The following MYO16 variants were observed in gnomAD, a reference collection of about 807,000 sequenced individuals.
The protein encoded by MYO16 is unconventional myosin-XVI.
Under a neutral mutation model 205.3 loss-of-function variants are expected in MYO16, and 94 were observed. That is an observed-to-expected ratio of 0.46 (90% CI 0.39 to 0.54). The LOEUF (loss-of-function observed/expected upper bound fraction) is 0.54. Among genes scored for constraint, MYO16 ranks in the 20% least tolerant of loss-of-function variants. The probability of loss-of-function intolerance (pLI) is 0.00; values close to 1 mark genes in which losing one functional copy is unlikely to be tolerated. For missense variants in MYO16, 2,315 were observed against 2,387.5 expected (o/e 0.97, Z 0.63); for synonymous variants, 988 against 954.0 (o/e 1.04, Z -0.66).
intron 9 of MYO16, among the ~76,000 whole-genome samples, chr13:108,829,371 G>T (rs986269080): frequency 1.3e-5 from 2 of 152,206 alleles, no homozygotes; most frequent in Non-Finnish European, 2.9e-5. Context: ...GGCAGCAAAA[G>T]CATCTAAAGA....
At chr13:108,734,635 C>A (rs1281487967) in intron 4 of MYO16, among the ~76,000 whole-genome samples, 1 of 152,204 alleles carries the variant, frequency 6.6e-6, no homozygotes, top group African/African-American at 2.4e-5. Context: ...GGCTGCCACA[C>A]AGCCAAGAAA....
intron 1 of MYO16, among the ~76,000 whole-genome samples, chr13:108,644,191 C>T (rs989686508): frequency 6.6e-6 from 1 of 152,118 alleles, no homozygotes; most frequent in Non-Finnish European, 1.5e-5. Context: ...TTCTGGTTTC[C>T]ATGGCTATGT....
chr13:108,543,664 G>GA, the MYO16 span, among the ~76,000 whole-genome samples: 2 of 124,884 alleles, frequency 1.6e-5, no homozygotes, highest in Non-Finnish European at 3.4e-5. Context: ...AAAAAAAAAA[G>GA]AAAAAAATCC....
rs143857916 is a variant in MYO16, at chr13:108,894,264, G to C, written c.1660-3752G>C. ...ACATGTGGGGATTACAATTCGACTC[G>C]AGATTTGGGTGGGGAAACAGAGCCA... On this transcript the variant is annotated intron_variant, in intron 14 of 34. Coordinates refer to ENST00000457511, the MANE Select transcript of MYO16 (RefSeq NM_001198950.3). 5.4e-3 allele frequency among the ~76,000 whole-genome samples: 815 copies of C among 152,244 alleles called. 12 individuals are homozygous for C. Among genetic ancestry groups the C allele is most frequent in the African/African-American group, 0.018 (742 of 41,534 alleles).
Position 109,141,880 on chromosome 13 carries a change from C to G in MYO16, c.5164+504C>G, listed in dbSNP as rs541400978. On this transcript the variant is annotated intron_variant, in intron 32 of 34. Coordinates refer to ENST00000457511, the MANE Select transcript of MYO16 (RefSeq NM_001198950.3). This position sits in a 1 kb window ranked among gnomAD's most constrained non-coding sequence, Gnocchi z 4.1. ...AGTTACTACCCTGCGCTTAATGCCA[C>G]TCGGCTGTGGGCTGTTTGGGATGAA... 1.3e-4 allele frequency among the ~76,000 whole-genome samples: 20 copies of G among 152,264 alleles called. No individual in the cohort carries two copies. The highest frequency in any genetic ancestry group is 4.6e-4 in the African/African-American group (19 of 41,544).
chr13:108,934,799 A>G (rs2139299612), intron 16 of MYO16, among the ~76,000 whole-genome samples: 1 of 152,244 alleles, frequency 6.6e-6, no homozygotes, highest in South Asian at 2.1e-4. Context: ...TAATTTTTAT[A>G]TATGGTGAAA....
At chr13:108,669,578 G>A (rs1881893222) in intron 2 of MYO16, among the ~76,000 whole-genome samples, 1 of 152,170 alleles carries the variant, frequency 6.6e-6, no homozygotes, top group Non-Finnish European at 1.5e-5. Context: ...GACCAGTGAT[G>A]ATGAGCTTTG....
At chr13:108,894,393 G>T (rs1880316409) in intron 14 of MYO16, among the ~76,000 whole-genome samples, 1 of 152,154 alleles carries the variant, frequency 6.6e-6, no homozygotes, top group South Asian at 2.1e-4. Context: ...TGGCATCATT[G>T]TTAAAATTAA....
the MYO16 span, among the ~76,000 whole-genome samples, chr13:108,502,151 T>G: frequency 6.6e-6 from 1 of 152,074 alleles, no homozygotes; most frequent in Non-Finnish European, 1.5e-5. Flanking sequence ...AGGTGGAGGT[T>G]GCAGTGAGCC....
At chr13:108,629,118 C>G (rs1282503595), upstream of MYO16, 1 of 152,110 alleles carries the variant, frequency 6.6e-6, no homozygotes, top group Non-Finnish European at 1.5e-5. Flanking sequence ...AATTTTAAAG[C>G]TATGCAAACC....
chr13:109,152,233 T>C (rs942808731), intron 32 of MYO16, among the ~76,000 whole-genome samples: 5 of 152,222 alleles, frequency 3.3e-5, no homozygotes, highest in Non-Finnish European at 7.3e-5. Flanking sequence ...CTAAATTGCC[T>C]TTCGAGTAAC....
At chr13:108,649,708 A>C (rs1246113784) in intron 1 of MYO16, among the ~76,000 whole-genome samples, 1 of 152,210 alleles carries the variant, frequency 6.6e-6, no homozygotes, top group Non-Finnish European at 1.5e-5. Flanking sequence ...TTTAAAGTCT[A>C]CATAGTAGAG....
intron 4 of MYO16, among the ~76,000 whole-genome samples, chr13:108,762,233 C>A (rs921558187): frequency 6.6e-6 from 1 of 152,100 alleles, no homozygotes. Flanking sequence ...TTTTCTTTAT[C>A]CAGTAGTCCA....
chr13:109,138,944 G>A (rs896384209), intron 31 of MYO16, among the ~76,000 whole-genome samples: 12 of 151,900 alleles, frequency 7.9e-5, no homozygotes, highest in African/African-American at 2.4e-4. Flanking sequence ...TCAGCCTCCC[G>A]AGTAGCTGGG....
At chr13:108,574,404 G>T in the MYO16 span, among the ~76,000 whole-genome samples, 3 of 152,050 alleles carry the variant, frequency 2.0e-5, no homozygotes, top group African/African-American at 7.2e-5. Flanking sequence ...GGTATCAAGA[G>T]TCTATTGGTA....
At chr13:108,870,360 T>TA (rs1878989631) in intron 12 of MYO16, among the ~76,000 whole-genome samples, 1 of 152,074 alleles carries the variant, frequency 6.6e-6, no homozygotes, top group Non-Finnish European at 1.5e-5. Flanking sequence ...TTCTTTTTTT[T>TA]ATTAAAAAAA....
At chr13:109,069,680 A>G (rs919875301) in intron 27 of MYO16, among the ~76,000 whole-genome samples, 1 of 152,030 alleles carries the variant, frequency 6.6e-6, no homozygotes, top group Non-Finnish European at 1.5e-5. Context: ...GGGGAGTGCT[A>G]GCTTTCTCAT....
intron 17 of MYO16, among the ~76,000 whole-genome samples, chr13:108,961,177 A>G (rs191834882): frequency 6.6e-6 from 1 of 152,270 alleles, no homozygotes; most frequent in Admixed American, 6.5e-5. Flanking sequence ...GAGGAGGGGG[A>G]GTGAAGTCTA....
At chr13:108,673,215 C>T (rs775215153) in intron 2 of MYO16, among the ~76,000 whole-genome samples, 1 of 152,116 alleles carries the variant, frequency 6.6e-6, no homozygotes, top group African/African-American at 2.4e-5. Context: ...GTTGATTTAC[C>T]TTCCTTGCCA....
Sources: allele counts gnomAD v4.1 joint callset (sites outside exome capture counted in the v4.1 genomes callset), GRCh38; gene constraint gnomAD v4.1.1; non-coding constraint Gnocchi (gnomAD v3.1); transcripts MANE v1.5; gene names NCBI Gene and HGNC (gene_info 2026-07-23, HGNC 2026-07-21).